Variants in TEK observed in about 807,000 individuals in gnomAD.
TEK encodes angiopoietin-1 receptor.
Under a neutral mutation model 131.8 loss-of-function variants are expected in TEK, and 43 were observed. That is an observed-to-expected ratio of 0.33 (90% confidence interval 0.26 to 0.42). The LOEUF (loss-of-function observed/expected upper bound fraction) is 0.42. Among genes scored for constraint, TEK ranks in the 10% least tolerant of loss-of-function variants. The probability of loss-of-function intolerance (pLI) is 1.00; values close to 1 mark genes in which losing one functional copy is unlikely to be tolerated. For missense variants in TEK, 1,162 were observed against 1,384.4 expected (o/e 0.84, Z 2.55); for synonymous variants, 580 against 491.6 (o/e 1.18, Z -2.38).
intron 2 of TEK, among the ~76,000 whole-genome samples, chr9:27,164,147 T>C (rs1020647033): frequency 6.6e-6 from 1 of 152,190 alleles, no homozygotes; most frequent in Non-Finnish European, 1.5e-5. Flanking sequence ...CCCATGTATA[T>C]GCTGTGTGAT....
intron 9 of TEK, among the ~76,000 whole-genome samples, chr9:27,188,029 T>C (rs1824664931): frequency 1.3e-5 from 2 of 152,158 alleles, no homozygotes; most frequent in South Asian, 4.1e-4. Context: ...CAGAGGAATG[T>C]TAAACAGTAA....
chr9:27,213,583 G>A lies in TEK; in HGVS notation c.2977G>A (p.Val993Met). Residue 993 changes from valine (V) to methionine (M), a missense_variant, in exon 18 of 23, where the codon GTG becomes ATG. Val to Met is a conservative substitution (Grantham distance 21). Around this residue, in one of 6 missense-constraint regions of TEK, gnomAD observed 107 missense variants for 173.9 expected, o/e 0.62. Transcript: ENST00000380036. ...ATTGTCCCGAGGTCAAGAGGTGTAT[G>A]TGAAAAAGACAATGGTAAGTGCCAG... ...FGLSRGQEVY[V>M]KKTMGRLPVR... The A allele has an allele frequency of 6.2e-7, 1 of 1,613,138 alleles. No homozygotes were observed.
chr9:27,162,619 T>C (rs1206231384), intron 2 of TEK, among the ~76,000 whole-genome samples: 2 of 152,180 alleles, frequency 1.3e-5, no homozygotes, highest in Non-Finnish European at 2.9e-5. Context: ...AGAAGAGCCA[T>C]TTGCACCTAA....
chr9:27,228,711 G>C (rs1587064829), intron 22 of TEK, among the ~76,000 whole-genome samples: 2 of 152,258 alleles, frequency 1.3e-5, no homozygotes, highest in African/African-American at 2.4e-5. Flanking sequence ...AAAATTTCTA[G>C]AAGTAAGTTG....
At chr9:27,117,928 A>C (rs1821632511) in intron 1 of TEK, among the ~76,000 whole-genome samples, 1 of 152,176 alleles carries the variant, frequency 6.6e-6, no homozygotes, top group Non-Finnish European at 1.5e-5. Context: ...TTTCCTCCAG[A>C]TACAATAGGC....
At chr9:27,155,484 T>C (rs1455900159) in intron 1 of TEK, among the ~76,000 whole-genome samples, 1 of 152,250 alleles carries the variant, frequency 6.6e-6, no homozygotes, top group Non-Finnish European at 1.5e-5. Flanking sequence ...GACTTGACTT[T>C]GAAATTTTTC....
At chr9:27,163,209 G>A (rs1330165557) in intron 2 of TEK, among the ~76,000 whole-genome samples, 1 of 152,188 alleles carries the variant, frequency 6.6e-6, no homozygotes, top group Non-Finnish European at 1.5e-5. Flanking sequence ...ACTAGCTAGT[G>A]AGTGTTGGAT....
At chr9:27,180,955 T>C (rs953346517) in intron 7 of TEK, among the ~76,000 whole-genome samples, 2 of 152,200 alleles carry the variant, frequency 1.3e-5, no homozygotes, top group African/African-American at 2.4e-5. Flanking sequence ...TTTAGTATAT[T>C]TACAGAGCTA....
At chr9:27,227,897 T>A (rs543624810) in intron 21 of TEK, among the ~76,000 whole-genome samples, 17 of 152,128 alleles carry the variant, frequency 1.1e-4, no homozygotes, top group Non-Finnish European at 1.9e-4. Context: ...GACACTAACA[T>A]TTTGAAATAT....
chr9:27,135,546 C>G (rs1052963889), intron 1 of TEK, among the ~76,000 whole-genome samples: 3 of 152,292 alleles, frequency 2.0e-5, no homozygotes, highest in African/African-American at 7.2e-5. Flanking sequence ...ACTGTTAATA[C>G]AGCCTCCATA....
intron 4 of TEK, among the ~76,000 whole-genome samples, chr9:27,171,164 A>G (rs970333471): frequency 1.3e-5 from 2 of 152,170 alleles, no homozygotes; most frequent in Admixed American, 1.3e-4. Flanking sequence ...AAATATCACC[A>G]TTACATTTTC....
intron 1 of TEK, among the ~76,000 whole-genome samples, chr9:27,119,927 G>A (rs115004212): frequency 0.01 from 1,587 of 152,120 alleles, 28 homozygotes; most frequent in African/African-American, 0.035. Flanking sequence ...ATGCACACGT[G>A]TGAGAGAAAG....
At chr9:27,180,094 C>T (rs1456594741) in intron 6 of TEK, 146 bp from the exon 7 acceptor site, 13 of 1,186,544 alleles carry the variant, frequency 1.1e-5, no homozygotes, top group Non-Finnish European at 1.6e-5. Context: ...TTTTTAAGTT[C>T]CTGGTAATTC....
intron 21 of TEK, among the ~76,000 whole-genome samples, chr9:27,222,293 G>A (rs572935711): frequency 1.3e-5 from 2 of 152,132 alleles, no homozygotes; most frequent in African/African-American, 4.8e-5. Context: ...CCCTCTTCAG[G>A]ATATCACCCA....
In TEK at chr9:27,195,349, T is replaced by TA. The variant is rs1337663014; in HGVS notation, c.1625-1957dup. ...AGTAAGAGCAGTGTTTCTCAACCTT[T>TA]AAAAAAAAATGTATTGCTCATCCCC... On this transcript the variant is annotated intron_variant, in intron 11 of 22. Transcript: ENST00000380036. 7.3e-5 allele frequency among the ~76,000 whole-genome samples: 11 copies of TA among 151,562 alleles called. No homozygotes were observed. The East Asian group carries it at 1.9e-3, about 27-fold the overall frequency.
chr9:27,123,645 G>A (rs187187527), intron 1 of TEK, among the ~76,000 whole-genome samples: 4 of 152,242 alleles, frequency 2.6e-5, no homozygotes, highest in African/African-American at 7.2e-5. Flanking sequence ...TGAGTATCAC[G>A]TGGAGCTAAT....
Position 27,172,930 on chromosome 9 carries a change from G to C in TEK, c.760+183G>C, listed in dbSNP as rs189545756. Among the ~76,000 whole-genome samples, 3 of 152,234 alleles carry C rather than the reference G, an allele frequency of 2.0e-5. No individual in the cohort carries two copies. In the South Asian group the frequency reaches 6.2e-4, roughly 32 times the overall value. ...AAAGGTTCTTTAATGCCAACCACTGGAAAGTTATAATAAATATACAGATCC... is the reference window on the plus strand; with the variant it reads ...AAAGGTTCTTTAATGCCAACCACTGCAAAGTTATAATAAATATACAGATCC... On this transcript the variant is annotated intron_variant, in intron 5 of 22. Coordinates refer to ENST00000380036, the MANE Select transcript of TEK (RefSeq NM_000459.5).
At chr9:27,208,654 G>C (rs1825488951) in intron 15 of TEK, among the ~76,000 whole-genome samples, 1 of 152,176 alleles carries the variant, frequency 6.6e-6, no homozygotes, top group African/African-American at 2.4e-5. Flanking sequence ...GATGTTTCAT[G>C]GAAACTTTGG....
intron 1 of TEK, among the ~76,000 whole-genome samples, chr9:27,155,033 T>C (rs17695026): frequency 0.12 from 17,629 of 152,262 alleles, 1,306 homozygotes; most frequent in Middle Eastern, 0.25. Context: ...TCAGAGCAGA[T>C]CCTGTGGTTT....
Sources: gnomAD v4.1 joint callset for allele counts (sites outside exome capture counted in the v4.1 genomes callset) on GRCh38, gnomAD v4.1.1 for gene constraint, gnomAD v4.1.1 regional missense constraint, MANE v1.5 for transcripts, NCBI Gene and HGNC (gene_info 2026-07-23, HGNC 2026-07-21) for gene names.